Variants in PREX2 observed in about 807,000 individuals in gnomAD.
PREX2 encodes the protein phosphatidylinositol-3,4,5-trisphosphate dependent Rac exchange factor 2, also known as phosphatidylinositol 3,4,5-trisphosphate-dependent Rac exchanger 2 protein.
A neutral mutation model predicts 203.2 loss-of-function variants in PREX2; 107 were observed. That is an observed-to-expected ratio of 0.53 (90% confidence interval 0.45 to 0.62). The LOEUF is 0.62. Ranked by LOEUF, PREX2 falls within the 20% of genes least tolerant of loss-of-function variation. PREX2 has a pLI of 0.00. For synonymous variants in PREX2, 672 were observed against 663.6 expected (o/e 1.01, Z -0.19); for missense variants, 1,777 against 1,955.9 (o/e 0.91, Z 1.72).
At chr8:68,143,870 A>G (rs1811273741) in intron 33 of PREX2, among the ~76,000 whole-genome samples, 1 of 152,054 alleles carries the variant, frequency 6.6e-6, no homozygotes, top group Non-Finnish European at 1.5e-5. Flanking sequence ...TTTGTGGAGG[A>G]TATAATGTGA....
intron 37 of PREX2, among the ~76,000 whole-genome samples, chr8:68,199,047 G>A (rs1312383806): frequency 6.6e-6 from 1 of 152,094 alleles, no homozygotes; most frequent in Admixed American, 6.6e-5. Context: ...CAGGAAACAG[G>A]GTCCTGGATT....
intron 1 of PREX2, among the ~76,000 whole-genome samples, chr8:67,966,003 T>C (rs1469153271): frequency 2.0e-5 from 3 of 152,206 alleles, no homozygotes; most frequent in Non-Finnish European, 4.4e-5. Flanking sequence ...GGGTAGCAAA[T>C]ATTCTTTGTG....
chr8:68,158,656 TAGCC>T (rs1811596034), intron 35 of PREX2, among the ~76,000 whole-genome samples: 1 of 152,158 alleles, frequency 6.6e-6, no homozygotes. Flanking sequence ...CTTATGGTGA[TAGCC>T]AGCAGTTTCA....
chr8:68,180,038 A>G (rs1373331245), intron 35 of PREX2, among the ~76,000 whole-genome samples: 4 of 151,866 alleles, frequency 2.6e-5, no homozygotes, highest in Non-Finnish European at 5.9e-5. Context: ...TTCTTCTTTC[A>G]TCAATTGTTT....
At chr8:68,099,161 T>C (rs1235301458) in intron 22 of PREX2, among the ~76,000 whole-genome samples, 1 of 152,050 alleles carries the variant, frequency 6.6e-6, no homozygotes, top group Non-Finnish European at 1.5e-5. Context: ...GTAACATTAA[T>C]TTCTACCTTA....
intron 37 of PREX2, among the ~76,000 whole-genome samples, chr8:68,203,898 C>T (rs1812557346): frequency 6.6e-6 from 1 of 152,132 alleles, no homozygotes; most frequent in Non-Finnish European, 1.5e-5. Context: ...CTAGACATCT[C>T]TTTAAAGTAT....
chr8:68,172,101 A>G (rs1033330888), intron 35 of PREX2, among the ~76,000 whole-genome samples: 3 of 152,166 alleles, frequency 2.0e-5, no homozygotes, highest in South Asian at 2.1e-4. Context: ...TTCATATTCA[A>G]TTCATTTCTG....
chr8:68,212,450 T>A (rs1434583267), intron 37 of PREX2, among the ~76,000 whole-genome samples: 4 of 152,086 alleles, frequency 2.6e-5, no homozygotes, highest in Non-Finnish European at 5.9e-5. Context: ...GACTTGGGGG[T>A]CTGAAGTTAA....
intron 10 of PREX2, among the ~76,000 whole-genome samples, chr8:68,058,929 A>G (rs985988355): frequency 1.3e-5 from 2 of 152,200 alleles, no homozygotes; most frequent in Non-Finnish European, 2.9e-5. Flanking sequence ...TGAATTTGTT[A>G]TGCAGCAATA....
At chr8:68,012,092 ACT>A (rs1468629330) in intron 1 of PREX2, among the ~76,000 whole-genome samples, 1 of 151,992 alleles carries the variant, frequency 6.6e-6, no homozygotes, top group Non-Finnish European at 1.5e-5. Flanking sequence ...TATCTTCAAA[ACT>A]CTGTGCCTTG....
chr8:68,151,876 A>T (rs1170574305), intron 34 of PREX2, among the ~76,000 whole-genome samples: 1 of 151,898 alleles, frequency 6.6e-6, no homozygotes, highest in African/African-American at 2.4e-5. Flanking sequence ...TAAAAATCAC[A>T]TAGAAACTTG....
At chr8:68,199,517 A>G (rs1052018060) in intron 37 of PREX2, among the ~76,000 whole-genome samples, 1 of 152,242 alleles carries the variant, frequency 6.6e-6, no homozygotes, top group African/African-American at 2.4e-5. Context: ...TAACTAGAAC[A>G]CAGGACCTAA....
chr8:68,000,502 C>T (rs143845578), intron 1 of PREX2, among the ~76,000 whole-genome samples: 4 of 152,158 alleles, frequency 2.6e-5, no homozygotes, highest in African/African-American at 9.7e-5. Context: ...GAATCCATAT[C>T]ATTTAAACGT....
chr8:67,997,153 A>G (rs1178586995), intron 1 of PREX2, among the ~76,000 whole-genome samples: 1 of 152,094 alleles, frequency 6.6e-6, no homozygotes, highest in Non-Finnish European at 1.5e-5. Flanking sequence ...TTTTGCCATT[A>G]CTTTTGATGG....
At chr8:68,050,199 G>A (rs1808485066) in intron 8 of PREX2, among the ~76,000 whole-genome samples, 1 of 152,068 alleles carries the variant, frequency 6.6e-6, no homozygotes, top group African/African-American at 2.4e-5. Flanking sequence ...TAAAATACTA[G>A]TGCAGCAATT....
intron 1 of PREX2, among the ~76,000 whole-genome samples, chr8:67,976,539 C>CAGAGACAGA: frequency 2.5e-5 from 1 of 40,368 alleles, no homozygotes; most frequent in African/African-American, 8.4e-5. Flanking sequence ...GAGAGAGAGA[C>CAGAGACAGA]GGGAGAGAGA....
chr8:67,993,563 C>T (rs1348981331), intron 1 of PREX2, among the ~76,000 whole-genome samples: 2 of 152,000 alleles, frequency 1.3e-5, no homozygotes, highest in Non-Finnish European at 2.9e-5. Flanking sequence ...CCTGCTGCTA[C>T]TGCCCAGCTA....
At chr8:68,120,828 G>C in intron 29 of PREX2, 93 bp from the exon 30 acceptor site, 1 of 1,075,568 alleles carries the variant, frequency 9.3e-7, no homozygotes, top group Middle Eastern at 2.1e-4. Context: ...CAATAGTCTA[G>C]GACAACAGTG....
rs752716141 is a variant in PREX2, at chr8:68,236,309, G to A, written c.*4931G>A. 6.6e-6 allele frequency: 1 copy of A among 152,224 alleles called. No homozygotes were observed. Among genetic ancestry groups the A allele is most frequent in the Non-Finnish European group, 1.5e-5 (1 of 67,990 alleles). The allele number at this position is 152,224 out of a possible 1,614,324, so 9.4% of individuals were successfully genotyped here. A position where few individuals can be genotyped will look rare whatever the true frequency, so the allele number is the denominator to read the frequency against. On this transcript the variant is annotated 3_prime_UTR_variant, in exon 40 of 40. Transcript: ENST00000288368. ...GCTTTGGAGAGTTAATTTTAGGTGC[G>A]AATAACAGGATAAATGCTATCTGAT...
Sources: allele counts gnomAD v4.1 joint callset (sites outside exome capture counted in the v4.1 genomes callset), GRCh38; gene constraint gnomAD v4.1.1; transcripts MANE v1.5; gene names NCBI Gene and HGNC (gene_info 2026-07-23, HGNC 2026-07-21).